The following FCHSD2 variants were observed in gnomAD, a reference collection of about 807,000 sequenced individuals.
FCHSD2 encodes F-BAR and double SH3 domains protein 2.
In FCHSD2, 38 loss-of-function variants were observed where a neutral mutation model predicts 108.1. That is an observed-to-expected ratio of 0.35 (90% confidence interval 0.27 to 0.46). FCHSD2 has a LOEUF of 0.46. Among genes scored for constraint, FCHSD2 ranks in the 20% least tolerant of loss-of-function variants. FCHSD2 has a pLI of 1.00. For missense variants in FCHSD2, 751 were observed against 897.8 expected, an observed-to-expected ratio of 0.84 and a Z score of 2.09; for synonymous variants, 279 against 314.7, an observed-to-expected ratio of 0.89 and a Z score of 1.20.
At chr11:72,926,902 G>A (rs1856087250) in intron 8 of FCHSD2, among the ~76,000 whole-genome samples, 1 of 152,136 alleles carries the variant, frequency 6.6e-6, no homozygotes, top group Non-Finnish European at 1.5e-5. Flanking sequence ...ATACAGATGT[G>A]CATTATTTAA....
At chr11:73,038,563 G>A (rs1408613404) in intron 3 of FCHSD2, among the ~76,000 whole-genome samples, 1 of 152,050 alleles carries the variant, frequency 6.6e-6, no homozygotes, top group Non-Finnish European at 1.5e-5. Context: ...GAATGTAGCT[G>A]GCAACGATTA....
At chr11:73,100,440 C>T (rs895903996) in intron 2 of FCHSD2, among the ~76,000 whole-genome samples, 11 of 152,046 alleles carry the variant, frequency 7.2e-5, no homozygotes, top group African/African-American at 1.9e-4. Context: ...CTCGGTTCAC[C>T]GCAACCTCCA....
At chr11:72,921,401 G>GA (rs1049903787) in intron 9 of FCHSD2, among the ~76,000 whole-genome samples, 1 of 152,028 alleles carries the variant, frequency 6.6e-6, no homozygotes, top group Non-Finnish European at 1.5e-5. Context: ...GGCTTAATTT[G>GA]AAAAAAACCC....
At chr11:73,045,813 A>G (rs980126612) in intron 3 of FCHSD2, among the ~76,000 whole-genome samples, 9 of 152,016 alleles carry the variant, frequency 5.9e-5, no homozygotes, top group South Asian at 2.1e-4. Context: ...GATATACCTA[A>G]TGCTAGATGA....
chr11:73,004,338 A>G lies in FCHSD2; in HGVS notation c.243-3204T>C, dbSNP rs545333321. ...CTACTCACCAGGAAATAGCACCTCC[A>G]TGGTCATAACCTAGATTCTGCCATT... On this transcript the variant is annotated intron_variant, in intron 4 of 19. Coordinates refer to ENST00000409418, the MANE Select transcript of FCHSD2 (RefSeq NM_014824.3). Among the ~76,000 whole-genome samples, 5 of 152,294 alleles carry G rather than the reference A, an allele frequency of 3.3e-5. No individual in the cohort carries two copies. The South Asian group carries it at 1.0e-3, about 32-fold the overall frequency.
chr11:72,887,126 G>A (rs934277984), intron 12 of FCHSD2, among the ~76,000 whole-genome samples: 1 of 150,424 alleles, frequency 6.6e-6, no homozygotes, highest in Non-Finnish European at 1.5e-5. Flanking sequence ...GATATATAAG[G>A]AGATATATAT....
intron 8 of FCHSD2, among the ~76,000 whole-genome samples, chr11:72,959,909 G>A (rs1309686486): frequency 6.7e-6 from 1 of 149,362 alleles, no homozygotes; most frequent in Non-Finnish European, 1.5e-5. Flanking sequence ...ATATACCTCA[G>A]ATATTTCAAT....
At chr11:72,969,036 T>C (rs1856963646) in intron 8 of FCHSD2, among the ~76,000 whole-genome samples, 1 of 152,220 alleles carries the variant, frequency 6.6e-6, no homozygotes, top group African/African-American at 2.4e-5. Flanking sequence ...TGCTACTACC[T>C]TTCATATAGA....
chr11:73,121,155 T>C (rs1393930562), intron 2 of FCHSD2, among the ~76,000 whole-genome samples: 2 of 151,250 alleles, frequency 1.3e-5, no homozygotes, highest in Admixed American at 6.6e-5. Flanking sequence ...TCTCACTCTC[T>C]CTCTTATACA....
intron 8 of FCHSD2, among the ~76,000 whole-genome samples, chr11:72,979,153 C>T (rs1222375112): frequency 4.6e-5 from 7 of 151,954 alleles, no homozygotes; most frequent in Non-Finnish European, 8.8e-5. Context: ...TCACCATGCC[C>T]GGCCACAGGT....
intron 5 of FCHSD2, among the ~76,000 whole-genome samples, chr11:72,997,517 A>C (rs1183695719): frequency 1.3e-5 from 2 of 152,212 alleles, no homozygotes; most frequent in African/African-American, 4.8e-5. Context: ...GAAAAACCGC[A>C]GGCGGTTAAA....
At chr11:72,940,399 G>A (rs1307078480) in intron 8 of FCHSD2, 2 of 493,476 alleles carry the variant, frequency 4.1e-6, no homozygotes, top group Non-Finnish European at 7.2e-6. Flanking sequence ...TAATATTAAA[G>A]GAAATAATAT....
intron 10 of FCHSD2, 22 bp from the exon 11 acceptor site, chr11:72,889,967 A>T: frequency 2.1e-6 from 3 of 1,450,904 alleles, no homozygotes; most frequent in Non-Finnish European, 2.9e-6. Context: ...GAGAGAACAG[A>T]GATAAAAATA....
chr11:72,863,211 G>A (rs974726448), intron 13 of FCHSD2, among the ~76,000 whole-genome samples: 1 of 151,870 alleles, frequency 6.6e-6, no homozygotes, highest in African/African-American at 2.4e-5. Flanking sequence ...ACAGGCATAA[G>A]CCACTGTGGC....
chr11:73,019,176 A>G (rs1015529774), intron 3 of FCHSD2, among the ~76,000 whole-genome samples: 27 of 152,340 alleles, frequency 1.8e-4, no homozygotes, highest in African/African-American at 6.3e-4. Context: ...CACAGAACAT[A>G]GAATATGAGA....
At chr11:73,042,950 T>C (rs1176284799) in intron 3 of FCHSD2, among the ~76,000 whole-genome samples, 1 of 152,208 alleles carries the variant, frequency 6.6e-6, no homozygotes, top group Admixed American at 6.5e-5. Flanking sequence ...AAAGAGTTTT[T>C]TGTTGGAATC....
At chr11:73,045,184 C>G (rs938118192) in intron 3 of FCHSD2, among the ~76,000 whole-genome samples, 1 of 152,056 alleles carries the variant, frequency 6.6e-6, no homozygotes, top group Middle Eastern at 3.4e-3. Flanking sequence ...TCATCACTGG[C>G]CATCAGAGAA....
intron 5 of FCHSD2, among the ~76,000 whole-genome samples, chr11:72,998,185 T>C (rs1179461758): frequency 6.6e-6 from 1 of 152,220 alleles, no homozygotes; most frequent in Non-Finnish European, 1.5e-5. Flanking sequence ...GGAATTATCT[T>C]GCTAGAAGAT....
intron 3 of FCHSD2, among the ~76,000 whole-genome samples, chr11:73,029,590 G>A (rs1310044700): frequency 2.0e-5 from 3 of 152,146 alleles, no homozygotes; most frequent in Non-Finnish European, 4.4e-5. Flanking sequence ...ATCACTGACT[G>A]CTGCTTATGA....
Sources: gnomAD v4.1 joint callset for allele counts (sites outside exome capture counted in the v4.1 genomes callset) on GRCh38, gnomAD v4.1.1 for gene constraint, MANE v1.5 for transcripts, NCBI Gene and HGNC (gene_info 2026-07-23, HGNC 2026-07-21) for gene names.